The following PDE4A variants were observed in gnomAD, a reference collection of about 807,000 sequenced individuals.
The protein encoded by PDE4A is phosphodiesterase 4A.
PDE4A carries 21 observed loss-of-function variants against 73.9 expected under a neutral mutation model. The observed-to-expected ratio is 0.28, with a 90% confidence interval of 0.20 to 0.41. PDE4A has a LOEUF of 0.41. Among genes scored for constraint, PDE4A ranks in the 10% least tolerant of loss-of-function variants. The pLI, the probability that PDE4A is intolerant of heterozygous loss-of-function variation, is 1.00. For missense variants in PDE4A, 958 were observed against 1,211.4 expected, an observed-to-expected ratio of 0.79 and a Z score of 3.10; for synonymous variants, 463 against 505.4, an observed-to-expected ratio of 0.92 and a Z score of 1.13.
intron 1 of PDE4A, among the ~76,000 whole-genome samples, chr19:10,444,004 C>CAAA (rs56177093): frequency 8.8e-6 from 1 of 113,742 alleles, no homozygotes; most frequent in African/African-American, 3.2e-5. Context: ...AAGACTGTCT[C>CAAA]AAAAAAAAAA....
intron 1 of PDE4A, among the ~76,000 whole-genome samples, chr19:10,434,811 G>A (rs1479917274): frequency 6.8e-6 from 1 of 147,960 alleles, no homozygotes; most frequent in Non-Finnish European, 1.5e-5. Context: ...GGCTGGTCTC[G>A]AACTGCTGAC....
At chr19:10,466,543 G>A (rs150340043) in intron 14 of PDE4A, among the ~76,000 whole-genome samples, 2,833 of 151,194 alleles carry the variant, frequency 0.019, 42 homozygotes, top group South Asian at 0.073. Flanking sequence ...TGTCACCCAG[G>A]CTGGAGTGCA....
Position 10,453,459 on chromosome 19 carries a change from C to A in PDE4A, c.784-1370C>A. The stretch of plus-strand genomic sequence containing the variant: ...CTTGTGACTGTCTCTGTGTGTGGCC[C>A]AGGGCTGGGCGTGGATGGCGGGCAG... On this transcript the variant is annotated intron_variant, in intron 6 of 14. Coordinates refer to ENST00000380702, the MANE Select transcript of PDE4A (RefSeq NM_001111307.2). The surrounding 1 kb of genome is among the most constrained non-coding windows in gnomAD (Gnocchi z 4.6). 1 of 1,199,738 alleles carries A rather than the reference C, an allele frequency of 8.3e-7. No homozygotes were observed. Among genetic ancestry groups the A allele is most frequent in the Non-Finnish European group, 1.1e-6 (1 of 888,190 alleles). 74.3% of individuals were successfully genotyped at this position (1,199,738 alleles called of 1,614,324 possible).
intron 1 of PDE4A, chr19:10,430,853 G>A (rs1417854294): frequency 3.1e-5 from 38 of 1,213,140 alleles, no homozygotes; most frequent in African/African-American, 6.4e-5. Context: ...CCATGGCGCG[G>A]CCGCGCGGCC....
Position 10,467,027 on chromosome 19 carries a change from G to C in PDE4A, c.2067G>C (p.Pro689=). 6.2e-7 allele frequency: 1 copy of C among 1,614,128 alleles called. No homozygotes were observed. Among genetic ancestry groups the C allele is most frequent in the South Asian group, 1.1e-5 (1 of 91,078 alleles). The part of the protein sequence containing the change: ...YYSAIRQSPS[P]PPEEESRGPG... Reference sequence around the variant, plus strand: ...GCGCCATCCGGCAGAGCCCATCTCCGCCACCCGAGGAGGAGTCAAGGGGGC... The same window carrying C: ...GCGCCATCCGGCAGAGCCCATCTCCCCCACCCGAGGAGGAGTCAAGGGGGC... Residue 689 remains proline (P), a synonymous_variant, in exon 15 of 15, where the codon CCG becomes CCC. Transcript: ENST00000380702.
At position 10,467,494 on chromosome 19, in the gene PDE4A, A is replaced by G. The variant is rs1482088832; in HGVS notation, c.2534A>G (p.Glu845Gly). 1 of 1,612,554 alleles carries G rather than the reference A, an allele frequency of 6.2e-7. No homozygotes were observed. Among genetic ancestry groups the G allele is most frequent in the East Asian group, 2.2e-5 (1 of 44,844 alleles). The change falls in exon 15 of 15, where the codon GAG (glutamate) becomes GGG (glycine). Residue 845 changes from glutamate (E) to glycine (G), a missense_variant. By Grantham distance (98) the Glu-to-Gly change is moderately conservative. This residue lies in a region of PDE4A where 243 missense variants were observed against 245.9 expected (regional missense o/e 0.99). Transcript: ENST00000380702. ...CCGGGCCTCCCCTCCACGGCGGCCG[A>G]GGTGGAGGCCCAACGAGAGCACCAG... is the stretch of plus-strand genomic sequence containing the variant. The part of the protein sequence containing the change: ...GLPGLPSTAA[E>G]VEAQREHQAA...
chr19:10,459,532 G>C (rs201776966), intron 9 of PDE4A, 34 bp downstream of exon 9: 7 of 1,611,244 alleles, frequency 4.3e-6, no homozygotes, highest in Admixed American at 1.7e-5. Flanking sequence ...GCCCGGGTGA[G>C]GGGCTCATAG....
At chr19:10,432,408 G>C in intron 1 of PDE4A, 1 of 1,382,802 alleles carries the variant, frequency 7.2e-7, no homozygotes, top group Non-Finnish European at 9.3e-7. Context: ...GTCCCCATGC[G>C]CGCCCCGACG....
chr19:10,446,950 G>A (rs113882763), intron 2 of PDE4A, among the ~76,000 whole-genome samples: 3 of 146,876 alleles, frequency 2.0e-5, no homozygotes, highest in African/African-American at 7.6e-5. Flanking sequence ...CCAGGCTGGA[G>A]TGCAGTGGTG....
intron 1 of PDE4A, chr19:10,428,717 G>A (rs1350202766): frequency 9.6e-6 from 9 of 938,312 alleles, no homozygotes; most frequent in East Asian, 1.2e-4. Flanking sequence ...TGACTAGCCC[G>A]AGATCAAATG....
Position 10,420,810 on chromosome 19 carries a change from C to A in PDE4A, c.46C>A (p.Leu16Met). Residue 16 changes from leucine to methionine, a missense_variant, in exon 1 of 15, where the codon CTG (leucine) becomes ATG (methionine). Around this residue, in one of 3 missense-constraint regions of PDE4A, gnomAD observed 145 missense variants for 137.8 expected, o/e 1.05. Transcript: ENST00000380702. The surrounding 1 kb of genome is among the most constrained non-coding windows in gnomAD (Gnocchi z 6.0). ...VPSERSLSLS[L>M]PGPREGQATL... The stretch of plus-strand genomic sequence containing the variant: ...CTCGGAAAGGAGCCTGTCTCTGTCA[C>A]TGCCCGGGCCCCGGGAGGGCCAGGC... The A allele has an allele frequency of 7.6e-6, 12 of 1,587,182 alleles. No individual in the cohort carries two copies. Among genetic ancestry groups the A allele is most frequent in the Non-Finnish European group, 9.4e-6 (11 of 1,174,904 alleles).
intron 1 of PDE4A, among the ~76,000 whole-genome samples, chr19:10,438,371 A>G (rs2042893594): frequency 6.6e-6 from 1 of 152,018 alleles, no homozygotes; most frequent in African/African-American, 2.4e-5. Context: ...TCCGCCTGCC[A>G]AAGTGCTGGG....
chr19:10,467,727 G>T lies in PDE4A; in HGVS notation c.*106G>T. ...AGACTCTTGTCCTCTTGTCCCTCCT[G>T]AGAAAAAAGAAAACGAAAAGTGGGG... On this transcript the variant is annotated 3_prime_UTR_variant, in exon 15 of 15. Transcript: ENST00000380702. The T allele has an allele frequency of 1.2e-6, 1 of 845,060 alleles. No homozygotes were observed. The highest frequency in any genetic ancestry group is 1.7e-6 in the Non-Finnish European group (1 of 577,562). The allele number at this position is 845,060 out of a possible 1,614,324, so 52.3% of individuals were successfully genotyped here.
At chr19:10,427,593 C>T (rs940435484) in intron 1 of PDE4A, 9 of 985,302 alleles carry the variant, frequency 9.1e-6, no homozygotes, top group Non-Finnish European at 1.1e-5. Context: ...GAAGGAAACT[C>T]ATCCATAAAG....
At position 10,428,357 on chromosome 19, in the gene PDE4A, CGAGAGAGAGA is replaced by C. The variant is rs56177515; in HGVS notation, c.320+7300_320+7309del. ...TCGATGACAGAGTGAGATCCTGTCT[CGAGAGAGAGA>C]GAGAGAGAGAGAGAGAGAGAGAGAG... is the stretch of plus-strand genomic sequence containing the variant. On this transcript the variant is annotated intron_variant, in intron 1 of 14. Transcript: ENST00000380702. Among the ~76,000 whole-genome samples the C allele has an allele frequency of 6.1e-3, 835 of 137,356 alleles. 9 individuals carry two copies. The highest frequency in any genetic ancestry group is 0.022 in the East Asian group (102 of 4,700). 90.1% of individuals were successfully genotyped at this position (137,356 alleles called of 152,430 possible). A position where few individuals can be genotyped will look rare whatever the true frequency, so the allele number is the denominator to read the frequency against.
intron 1 of PDE4A, among the ~76,000 whole-genome samples, chr19:10,444,430 G>A (rs556031584): frequency 7.2e-5 from 11 of 151,974 alleles, no homozygotes; most frequent in South Asian, 2.1e-4. Context: ...CCCAGGAGGC[G>A]GAGGTTGCGG....
rs986306025 is a variant in PDE4A at position 10,453,119 on chromosome 19, C to T, written c.784-1710C>T. ...GCGCGGAGGGGAAGGGAGCCCCCAG[C>T]CCTGCTGGGCCGGCCCAGGCCCCTC... is the stretch of plus-strand genomic sequence containing the variant. On this transcript the variant is annotated intron_variant, in intron 6 of 14. Coordinates refer to ENST00000380702, the MANE Select transcript of PDE4A (RefSeq NM_001111307.2). This position sits in a 1 kb window ranked among gnomAD's most constrained non-coding sequence, Gnocchi z 4.6. 6 of 1,368,630 alleles carry T rather than the reference C, an allele frequency of 4.4e-6. No individual in the cohort carries two copies. Among genetic ancestry groups the T allele is most frequent in the Non-Finnish European group, 5.6e-6 (6 of 1,062,340 alleles). 84.8% of individuals were successfully genotyped at this position (1,368,630 alleles called of 1,614,324 possible).
rs1394739186 is a variant in PDE4A at position 10,458,867 on chromosome 19, C to T, written c.1102-533C>T. The T allele has an allele frequency of 6.4e-6, 1 of 156,418 alleles. No individual in the cohort carries two copies. Among genetic ancestry groups the T allele is most frequent in the East Asian group, 1.8e-4 (1 of 5,432 alleles). 9.7% of individuals were successfully genotyped at this position (156,418 alleles called of 1,614,324 possible). ...CTCCTGGCCTCAAGTGATCCACCCG[C>T]CTTAGCCTCACAAAGTGCTGGGATT... On this transcript the variant is annotated intron_variant, in intron 8 of 14. Coordinates refer to ENST00000380702, the MANE Select transcript of PDE4A (RefSeq NM_001111307.2). The surrounding 1 kb of genome is among the most constrained non-coding windows in gnomAD (Gnocchi z 4.6).
At position 10,458,780 on chromosome 19, in the gene PDE4A, G is replaced by A. The variant is rs2043211234; in HGVS notation, c.1102-620G>A. On this transcript the variant is annotated intron_variant, in intron 8 of 14. Transcript: ENST00000380702. This position sits in a 1 kb window ranked among gnomAD's most constrained non-coding sequence, Gnocchi z 4.6. ...ACTAAAGGCCTGTGCCAGCACACCT[G>A]GCTAATTTTTGTATTTTTAGTAGAA... is the stretch of plus-strand genomic sequence containing the variant. Among the ~76,000 whole-genome samples the A allele has an allele frequency of 6.6e-6, 1 of 152,072 alleles. No individual in the cohort carries two copies. The highest frequency in any genetic ancestry group is 2.4e-5 in the African/African-American group (1 of 41,392).
Sources: gnomAD v4.1 joint callset for allele counts (sites outside exome capture counted in the v4.1 genomes callset) on GRCh38, gnomAD v4.1.1 for gene constraint, gnomAD v4.1.1 regional missense constraint, Gnocchi (gnomAD v3.1) non-coding constraint, MANE v1.5 for transcripts, NCBI Gene and HGNC (gene_info 2026-07-23, HGNC 2026-07-21) for gene names.